LEKR1: variants seen among roughly 807,000 people sequenced by gnomAD.
The protein encoded by LEKR1 is protein LEKR1.
LEKR1 carries 59 observed loss-of-function variants against 72.4 expected under a neutral mutation model. The ratio of observed to expected loss-of-function variants is 0.82; its 90% CI spans 0.66 to 1.01. The LOEUF is 1.01. Among genes scored for constraint, LEKR1 ranks in the 50% least tolerant of loss-of-function variants. LEKR1 has a pLI of 0.00. For missense variants in LEKR1, 728 were observed against 759.2 expected (o/e 0.96, Z 0.48); for synonymous variants, 257 against 263.2 (o/e 0.98, Z 0.23).
intron 6 of LEKR1, among the ~76,000 whole-genome samples, chr3:156,944,152 T>A (rs1170045368): frequency 2.6e-5 from 4 of 151,732 alleles, no homozygotes; most frequent in African/African-American, 9.7e-5. Flanking sequence ...GTAGTCCCAT[T>A]CCTAGATAGT....
At chr3:156,922,689 G>T (rs1194970108) in intron 4 of LEKR1, among the ~76,000 whole-genome samples, 5 of 152,104 alleles carry the variant, frequency 3.3e-5, no homozygotes, top group African/African-American at 1.2e-4. Context: ...ACATTGGTTG[G>T]CTCAGCACAT....
intron 6 of LEKR1, among the ~76,000 whole-genome samples, chr3:156,960,895 T>G (rs1195962212): frequency 2.6e-5 from 4 of 152,206 alleles, no homozygotes; most frequent in African/African-American, 9.7e-5. Context: ...AATTTTATGT[T>G]TAGCTCACAC....
chr3:157,029,042 T>G (rs1373515441), intron 12 of LEKR1, among the ~76,000 whole-genome samples: 1 of 152,178 alleles, frequency 6.6e-6, no homozygotes, highest in Non-Finnish European at 1.5e-5. Flanking sequence ...CATATCACAT[T>G]ACAATATTTG....
chr3:157,027,911 C>T (rs1734323148), intron 11 of LEKR1, among the ~76,000 whole-genome samples, 192 bp from the exon 12 acceptor site: 1 of 152,120 alleles, frequency 6.6e-6, no homozygotes. Flanking sequence ...TAATGTGATA[C>T]TGTTTTAAGT....
At chr3:156,853,928 C>G (rs1413591075) in intron 3 of LEKR1, among the ~76,000 whole-genome samples, 3 of 151,846 alleles carry the variant, frequency 2.0e-5, no homozygotes, top group Admixed American at 6.6e-5. Context: ...TTGGTGTATT[C>G]ACACCTTACT....
chr3:156,874,900 T>A (rs914228940), intron 3 of LEKR1, among the ~76,000 whole-genome samples: 1 of 152,226 alleles, frequency 6.6e-6, no homozygotes, highest in Non-Finnish European at 1.5e-5. Context: ...TATTCCCTGA[T>A]GTATCTATAC....
intron 7 of LEKR1, among the ~76,000 whole-genome samples, chr3:156,987,777 A>C (rs1730825686): frequency 6.6e-6 from 1 of 152,078 alleles, no homozygotes; most frequent in Non-Finnish European, 1.5e-5. Context: ...AGGTTTTGTG[A>C]GCCACTATGA....
In LEKR1 at chr3:156,992,729, C is replaced by T; in HGVS notation, c.904C>T (p.Gln302Ter). 1.1e-6 allele frequency: 1 copy of T among 899,884 alleles called. No homozygotes were observed. The highest frequency in any genetic ancestry group is 1.4e-6 in the Non-Finnish European group (1 of 705,704). The allele number at this position is 899,884 out of a possible 1,614,324, so 55.7% of individuals were successfully genotyped here. ...LKFESIISES[Q>*]HTMLLKEKED... ...GTTTGAATCCATTATTTCTGAGTCA[C>T]AGTATGCATTACCAATTTTTAAATT... Residue 302 changes from glutamine to a stop codon, truncating the protein, a stop_gained and splice_region_variant, in exon 8 of 13, where the codon CAG (glutamine) becomes TAG (stop). Transcript: ENST00000356539. LOFTEE classifies it high-confidence loss of function.
chr3:156,847,905 C>T (rs1714828136), intron 2 of LEKR1, among the ~76,000 whole-genome samples: 2 of 152,180 alleles, frequency 1.3e-5, no homozygotes, highest in Admixed American at 1.3e-4. Context: ...CCTTTTCTCC[C>T]TTGACTGCTA....
intron 3 of LEKR1, among the ~76,000 whole-genome samples, chr3:156,887,180 T>G (rs1720192304): frequency 6.6e-6 from 1 of 152,214 alleles, no homozygotes; most frequent in Non-Finnish European, 1.5e-5. Context: ...TCACGTTTTC[T>G]TGCTTTTTTG....
At chr3:156,966,796 G>A (rs549157025) in intron 6 of LEKR1, among the ~76,000 whole-genome samples, 28 of 152,280 alleles carry the variant, frequency 1.8e-4, no homozygotes, top group South Asian at 2.1e-4. Context: ...CTCCCAGCAC[G>A]CAGCTGGAGA....
In LEKR1 at chr3:156,893,999, G is replaced by C. The variant is rs187059653; in HGVS notation, c.264-26576G>C. Among the ~76,000 whole-genome samples the C allele has an allele frequency of 4.5e-4, 69 of 152,346 alleles. No homozygotes were observed. The East Asian group carries it at 6.4e-3, about 14-fold the overall frequency. ...GCCAAGGGTGAACTTAGAGGCTGAA[G>C]TGAAGGGTCAGGAGTTGGAAAGCAG... On this transcript the variant is annotated intron_variant, in intron 3 of 12. Coordinates refer to ENST00000356539, the MANE Select transcript of LEKR1 (RefSeq NM_001004316.3).
intron 3 of LEKR1, among the ~76,000 whole-genome samples, chr3:156,853,774 CAA>C (rs946003909): frequency 6.6e-6 from 1 of 150,386 alleles, no homozygotes; most frequent in Non-Finnish European, 1.5e-5. Flanking sequence ...AGTTTTTTAC[CAA>C]AAAAAAGTTG....
At position 157,032,237 on chromosome 3, in the gene LEKR1, T is replaced by G. The variant is rs371402240; in HGVS notation, c.1668+3835T>G. 1.6e-4 allele frequency among the ~76,000 whole-genome samples: 24 copies of G among 152,278 alleles called. No individual in the cohort carries two copies. In the South Asian group the frequency reaches 3.9e-3, roughly 25 times the overall value. ...CAGTGTGACCCCCTATTACGGACCT[T>G]GTTGTGATCCAGAGGAAGAATGTGG... On this transcript the variant is annotated intron_variant, in intron 12 of 12. Coordinates refer to ENST00000356539, the MANE Select transcript of LEKR1 (RefSeq NM_001004316.3).
At position 156,958,274 on chromosome 3, in the gene LEKR1, C is replaced by G. The variant is rs2107981561; in HGVS notation, c.745+15560C>G. Reference sequence around the variant, plus strand: ...TTCACAAGTGTACTTCTTGCTTTATCCACAGATATCTTTCTGGTGAACTGA... The same window carrying G: ...TTCACAAGTGTACTTCTTGCTTTATGCACAGATATCTTTCTGGTGAACTGA... On this transcript the variant is annotated intron_variant, in intron 6 of 12. Coordinates refer to ENST00000356539, the MANE Select transcript of LEKR1 (RefSeq NM_001004316.3). Among the ~76,000 whole-genome samples, 3 of 152,182 alleles carry G rather than the reference C, an allele frequency of 2.0e-5. No homozygotes were observed. In the South Asian group the frequency reaches 6.2e-4, roughly 32 times the overall value.
chr3:156,933,766 C>T (rs1470781966), intron 5 of LEKR1, among the ~76,000 whole-genome samples: 1 of 152,120 alleles, frequency 6.6e-6, no homozygotes, highest in East Asian at 1.9e-4. Context: ...GTTAATTAAA[C>T]CACATAGCTG....
chr3:156,979,123 T>C (rs1576937640), intron 6 of LEKR1, 71 bp from the exon 7 acceptor site: 1 of 659,732 alleles, frequency 1.5e-6, no homozygotes, highest in Admixed American at 2.5e-5. Flanking sequence ...CAAAAGAATA[T>C]GGTTTACTCT....
At chr3:156,862,859 C>T (rs1345119661) in intron 3 of LEKR1, among the ~76,000 whole-genome samples, 3 of 152,052 alleles carry the variant, frequency 2.0e-5, no homozygotes, top group Non-Finnish European at 4.4e-5. Flanking sequence ...GAAAGCATAA[C>T]TGTAGAACTT....
chr3:157,031,104 G>A (rs936526988), intron 12 of LEKR1, among the ~76,000 whole-genome samples: 1 of 152,118 alleles, frequency 6.6e-6, no homozygotes, highest in African/African-American at 2.4e-5. Flanking sequence ...TTAAGGGGGC[G>A]TTTTAAAGGC....
Sources: gnomAD v4.1 joint callset for allele counts (sites outside exome capture counted in the v4.1 genomes callset) on GRCh38, gnomAD v4.1.1 for gene constraint, MANE v1.5 for transcripts, NCBI Gene and HGNC (gene_info 2026-07-23, HGNC 2026-07-21) for gene names.